PKHD1L1: variants seen among roughly 807,000 people sequenced by gnomAD.
The protein encoded by PKHD1L1 is fibrocystin-L.
A neutral mutation model predicts 462.9 loss-of-function variants in PKHD1L1; 434 were observed. That is an observed-to-expected ratio of 0.94 (90% CI 0.87 to 1.02). The LOEUF is 1.02. PKHD1L1 is among the 50% of genes least tolerant of loss of function. PKHD1L1 has a pLI of 0.00. For synonymous variants in PKHD1L1, 1,781 were observed against 1,750.0 expected (o/e 1.02, Z -0.44); for missense variants, 5,202 against 5,096.1 (o/e 1.02, Z -0.63).
intron 71 of PKHD1L1, 34 bp downstream of exon 71, chr8:109,510,968 G>A (rs1819945288): frequency 3.1e-6 from 5 of 1,597,520 alleles, no homozygotes; most frequent in Non-Finnish European, 4.3e-6. Flanking sequence ...AATTGCTGTT[G>A]ATTATTTGCA....
chr8:109,380,990 A>G (rs762231332), intron 2 of PKHD1L1, among the ~76,000 whole-genome samples: 1 of 152,148 alleles, frequency 6.6e-6, no homozygotes, highest in African/African-American at 2.4e-5. Context: ...CGAGCCTGTC[A>G]TCCACGAATC....
chr8:109,476,174 A>C (rs1043315572), intron 51 of PKHD1L1, among the ~76,000 whole-genome samples: 1 of 151,890 alleles, frequency 6.6e-6, no homozygotes, highest in East Asian at 1.9e-4. Context: ...ATATATGCAT[A>C]TATACACACA....
At position 109,385,696 on chromosome 8, in the gene PKHD1L1, T is replaced by G. The variant is rs1001037845; in HGVS notation, c.569+66T>G. The G allele has an allele frequency of 4.8e-6, 5 of 1,048,542 alleles. No homozygotes were observed. The Admixed American group carries it at 1.3e-4, about 26-fold the overall frequency. 65.0% of individuals were successfully genotyped at this position (1,048,542 alleles called of 1,614,324 possible). A position where few individuals can be genotyped will look rare whatever the true frequency, so the allele number is the denominator to read the frequency against. On this transcript the variant is annotated intron_variant, in intron 6 of 77. Coordinates refer to ENST00000378402, the MANE Select transcript of PKHD1L1 (RefSeq NM_177531.6). ...ATGAGAAGTAATATTATAAAAATAA[T>G]GGGTCCAATGATATTAAATCCCATT...
chr8:109,402,096 GA>G (rs1813302254), intron 14 of PKHD1L1, among the ~76,000 whole-genome samples: 1 of 152,154 alleles, frequency 6.6e-6, no homozygotes, highest in Admixed American at 6.6e-5. Flanking sequence ...CAAGTCCAAG[GA>G]GCCAATGAGT....
chr8:109,489,715 T>G (rs1196034813), intron 59 of PKHD1L1, among the ~76,000 whole-genome samples: 1 of 151,884 alleles, frequency 6.6e-6, no homozygotes, highest in East Asian at 1.9e-4. Context: ...ATATATGGTA[T>G]ATATGCGTTA....
At position 109,526,941 on chromosome 8, in the gene PKHD1L1, A is replaced by G. The variant is rs765419535; in HGVS notation, c.12642A>G (p.Val4214=). The G allele has an allele frequency of 6.8e-6, 11 of 1,613,888 alleles. 1 individual carries two copies. The South Asian group carries it at 1.2e-4, about 18-fold the overall frequency. Residue 4214 remains valine (V), a synonymous_variant, in exon 77 of 78, where the codon GTA becomes GTG. Coordinates refer to ENST00000378402, the MANE Select transcript of PKHD1L1 (RefSeq NM_177531.6). ...GTACATATGCCCAGATAATGACTGT[A>G]GTAATTAGCTGTCTGGTTGGAAGAA... The part of the protein sequence containing the change: ...TVGTYAQIMT[V]VISCLVGRMW...
Position 109,384,036 on chromosome 8 carries a change from A to G in PKHD1L1, c.418-34A>G, listed in dbSNP as rs190874139. 7.0e-5 allele frequency: 99 copies of G among 1,408,588 alleles called. No individual in the cohort carries two copies. The East Asian group carries it at 1.1e-3, about 15-fold the overall frequency. The allele number at this position is 1,408,588 out of a possible 1,614,324, so 87.3% of individuals were successfully genotyped here. On this transcript the variant is annotated intron_variant, in intron 4 of 77. Coordinates refer to ENST00000378402, the MANE Select transcript of PKHD1L1 (RefSeq NM_177531.6). The stretch of plus-strand genomic sequence containing the variant: ...TCACAAAACTAGAAACAAAACAGAG[A>G]TAAGTTTTCATATTGACATTATTCT...
chr8:109,529,608 T>G (rs1291314553), intron 77 of PKHD1L1, among the ~76,000 whole-genome samples: 1 of 152,160 alleles, frequency 6.6e-6, no homozygotes, highest in Non-Finnish European at 1.5e-5. Flanking sequence ...TCTCAAAGAA[T>G]TAGTAAATCA....
chr8:109,372,026 T>A (rs1209998146), intron 2 of PKHD1L1, among the ~76,000 whole-genome samples: 1 of 152,208 alleles, frequency 6.6e-6, no homozygotes, highest in African/African-American at 2.4e-5. Context: ...AGTAGTTTTT[T>A]CGAATTCTGT....
chr8:109,444,123 C>CA (rs61346591), intron 37 of PKHD1L1, among the ~76,000 whole-genome samples: 94 of 65,994 alleles, frequency 1.4e-3, no homozygotes, highest in African/African-American at 4.9e-3. Context: ...CCTCCCCCCC[C>CA]CAAAAAAAAC....
At position 109,438,381 on chromosome 8, in the gene PKHD1L1, AG is replaced by A. The variant is rs1457649918; in HGVS notation, c.3688del (p.Asp1230MetfsTer13). 1 of 1,542,694 alleles carries A rather than the reference AG, an allele frequency of 6.5e-7. No individual in the cohort carries two copies. The highest frequency in any genetic ancestry group is 2.0e-5 in the Admixed American group (1 of 50,670). ...VTTNGFQATA[R>X]DAFSYNCLQT... ...TACCAATGGATTTCAAGCCACAGCA[AG>A]GGATGCTTTTAGTTATAATTGTTTA... On this transcript the variant is annotated frameshift_variant, in exon 31 of 78. Coordinates refer to ENST00000378402, the MANE Select transcript of PKHD1L1 (RefSeq NM_177531.6). LOFTEE classifies it high-confidence loss of function.
intron 71 of PKHD1L1, among the ~76,000 whole-genome samples, chr8:109,513,948 T>A (rs1484509507): frequency 1.3e-5 from 2 of 152,084 alleles, no homozygotes; most frequent in African/African-American, 4.8e-5. Flanking sequence ...CCAGATACCG[T>A]GAAAATATGT....
intron 2 of PKHD1L1, among the ~76,000 whole-genome samples, chr8:109,365,326 C>A (rs1451567036): frequency 6.6e-6 from 1 of 152,148 alleles, no homozygotes; most frequent in African/African-American, 2.4e-5. Flanking sequence ...TTAGCAAAAT[C>A]TATTATTTGG....
At chr8:109,386,182 C>T (rs1005501995) in intron 6 of PKHD1L1, among the ~76,000 whole-genome samples, 3 of 152,264 alleles carry the variant, frequency 2.0e-5, no homozygotes, top group Admixed American at 1.3e-4. Context: ...AGATAGTAAC[C>T]TTGGCTAGTT....
chr8:109,442,264 G>C (rs765963228), intron 35 of PKHD1L1, 69 bp downstream of exon 35: 19 of 1,393,876 alleles, frequency 1.4e-5, no homozygotes, highest in Non-Finnish European at 1.6e-5. Context: ...GACATTTTGT[G>C]TAGATTTAAT....
intron 10 of PKHD1L1, among the ~76,000 whole-genome samples, chr8:109,395,429 A>G (rs898754140): frequency 6.6e-6 from 1 of 152,242 alleles, no homozygotes; most frequent in Non-Finnish European, 1.5e-5. Context: ...CAAATGTGAT[A>G]ACTTTTTGTG....
At chr8:109,397,209 C>T (rs1317143401) in intron 11 of PKHD1L1, among the ~76,000 whole-genome samples, 1 of 152,158 alleles carries the variant, frequency 6.6e-6, no homozygotes, top group Non-Finnish European at 1.5e-5. Context: ...TATCATCTTT[C>T]ACTACCATTA....
intron 58 of PKHD1L1, among the ~76,000 whole-genome samples, chr8:109,485,851 T>C (rs1420584882): frequency 1.3e-5 from 2 of 152,032 alleles, no homozygotes; most frequent in African/African-American, 4.8e-5. Flanking sequence ...AGCAGTACTT[T>C]AATAGAAGCG....
Position 109,452,746 on chromosome 8 carries a change from C to A in PKHD1L1, c.6536C>A (p.Ala2179Asp). The change falls in exon 43 of 78, where the codon GCC becomes GAC. Residue 2179 changes from alanine to aspartate, a missense_variant. Ala to Asp is a moderately radical substitution (Grantham distance 126, BLOSUM62 -2). This residue lies in a region of PKHD1L1 where 4,497 missense variants were observed against 4,336.8 expected (regional missense o/e 1.04). Coordinates refer to ENST00000378402, the MANE Select transcript of PKHD1L1 (RefSeq NM_177531.6). The stretch of plus-strand genomic sequence containing the variant: ...AATGCTGACTTTCTTTATGTTGATG[C>A]CTGGTCCTCCAATTTCTCATGGGGG... ...LDNADFLYVD[A>D]WSSNFSWGGK... 4 of 1,539,672 alleles carry A rather than the reference C, an allele frequency of 2.6e-6. No homozygotes were observed. Among genetic ancestry groups the A allele is most frequent in the Non-Finnish European group, 3.5e-6 (4 of 1,144,774 alleles).
Sources: gnomAD v4.1 joint callset for allele counts (sites outside exome capture counted in the v4.1 genomes callset) on GRCh38, gnomAD v4.1.1 for gene constraint, gnomAD v4.1.1 regional missense constraint, MANE v1.5 for transcripts, NCBI Gene and HGNC (gene_info 2026-07-23, HGNC 2026-07-21) for gene names.